The following RFC3 variants were observed in gnomAD, a reference collection of about 807,000 sequenced individuals.
The protein encoded by RFC3 is replication factor C subunit 3, also known as A1 38 kDa subunit.
In RFC3, 41 loss-of-function variants were observed where a neutral mutation model predicts 45.1. That is an observed-to-expected ratio of 0.91 (90% CI 0.71 to 1.18). RFC3 has a LOEUF of 1.18. RFC3 is among the 50% of genes most tolerant of loss of function. The probability of loss-of-function intolerance (pLI) is 0.00; values close to 1 mark genes in which losing one functional copy is unlikely to be tolerated. For missense variants in RFC3, 423 were observed against 428.1 expected (o/e 0.99, Z 0.10); for synonymous variants, 149 against 144.0 (o/e 1.03, Z -0.25).
rs141187764 is a variant in RFC3, at chr13:33,909,261, C to T, written c.880-56826C>T. ...GAGATATTTTAAATTTCTAGTACAA[C>T]TCTTTCACTTTATCTTCATAAAGAT... On this transcript the variant is annotated intron_variant, in intron 8 of 8. Coordinates refer to the RFC3 transcript ENST00000434425. 9.8e-3 allele frequency among the ~76,000 whole-genome samples: 1,484 copies of T among 151,996 alleles called. 25 individuals carry two copies. The highest frequency in any genetic ancestry group is 0.033 in the African/African-American group (1,382 of 41,482).
the RFC3 span, among the ~76,000 whole-genome samples, chr13:33,977,044 G>GA: frequency 3.3e-5 from 5 of 151,714 alleles, no homozygotes; most frequent in African/African-American, 7.3e-5. Context: ...GTAATCGTGA[G>GA]AAAAAAAATC....
At position 33,957,719 on chromosome 13, in the gene RFC3, T is replaced by C. The variant is rs181051623; in HGVS notation, c.880-8368T>C. 2.1e-4 allele frequency among the ~76,000 whole-genome samples: 32 copies of C among 152,246 alleles called. No individual in the cohort carries two copies. The East Asian group carries it at 4.1e-3, about 19-fold the overall frequency. On this transcript the variant is annotated intron_variant, in intron 8 of 8. Coordinates refer to the RFC3 transcript ENST00000434425. ...TTAGCACAAGCGCAAGCCCACTGCA[T>C]TGATTGGCCCAGAACCCAATGTAGT...
At chr13:33,851,299 G>A (rs151336829) in intron 8 of RFC3, among the ~76,000 whole-genome samples, 16 of 152,184 alleles carry the variant, frequency 1.1e-4, no homozygotes, top group African/African-American at 3.9e-4. Context: ...AACAATGTCG[G>A]GGGTTGGAGC....
chr13:33,937,227 T>C (rs897487891), intron 8 of RFC3, among the ~76,000 whole-genome samples: 2 of 152,206 alleles, frequency 1.3e-5, no homozygotes, highest in African/African-American at 2.4e-5. Flanking sequence ...CTTACCATTC[T>C]GTTACAATTG....
intron 8 of RFC3, among the ~76,000 whole-genome samples, chr13:33,890,288 C>T (rs931695496): frequency 5.3e-5 from 8 of 152,060 alleles, no homozygotes; most frequent in African/African-American, 1.9e-4. Flanking sequence ...GAGCCTACAC[C>T]AATTTTCCAT....
chr13:33,898,191 C>T (rs1488290216), intron 8 of RFC3, among the ~76,000 whole-genome samples: 4 of 151,992 alleles, frequency 2.6e-5, no homozygotes, highest in Admixed American at 1.3e-4. Context: ...TTTCACCCAA[C>T]GGCTGCAGAA....
intron 8 of RFC3, among the ~76,000 whole-genome samples, chr13:33,859,471 T>C (rs1323257903): frequency 6.6e-6 from 1 of 152,198 alleles, no homozygotes; most frequent in Non-Finnish European, 1.5e-5. Context: ...CATTTATATT[T>C]TAATGAGTGA....
chr13:33,830,635 A>G, intron 5 of RFC3, 84 bp from the exon 6 acceptor site: 1 of 1,095,436 alleles, frequency 9.1e-7, no homozygotes, highest in East Asian at 2.5e-5. Flanking sequence ...TAATACAGTT[A>G]TAAGGGTCTA....
chr13:33,860,824 C>G (rs968935831), intron 8 of RFC3, among the ~76,000 whole-genome samples: 3 of 152,150 alleles, frequency 2.0e-5, no homozygotes, highest in Admixed American at 6.6e-5. Context: ...TTTCATAAAA[C>G]CAGCAAGTCC....
chr13:33,863,587 C>T (rs148143490), intron 8 of RFC3, among the ~76,000 whole-genome samples: 2 of 152,294 alleles, frequency 1.3e-5, no homozygotes, highest in African/African-American at 4.8e-5. Context: ...TTCCTGGTTC[C>T]AACCATAAGA....
chr13:33,946,226 G>A (rs1488989535), intron 8 of RFC3, among the ~76,000 whole-genome samples: 2 of 152,134 alleles, frequency 1.3e-5, no homozygotes, highest in East Asian at 3.9e-4. Context: ...TTACAGCACT[G>A]TTTTTTCCTT....
At chr13:33,947,452 C>T (rs759365024) in intron 8 of RFC3, among the ~76,000 whole-genome samples, 13 of 151,772 alleles carry the variant, frequency 8.6e-5, no homozygotes, top group Admixed American at 5.2e-4. Context: ...TTTATAGCAG[C>T]GTGAGAATGG....
rs1555307454 is a variant in RFC3 at position 33,825,866 on chromosome 13, A to G, written c.371A>G (p.Asn124Ser). 1.2e-6 allele frequency: 2 copies of G among 1,607,044 alleles called. No individual in the cohort carries two copies. The highest frequency in any genetic ancestry group is 1.1e-5 in the South Asian group (1 of 89,998). The change falls in exon 4 of 9, where the codon AAC becomes AGC. Residue 124 changes from asparagine (N) to serine (S), a missense_variant. Transcript: ENST00000380071. ...TVAQSQQLET[N>S]SQRDFKVVLL... is the part of the protein sequence containing the mutation. Reference sequence around the variant, plus strand: ...GCACAATCACAACAACTTGAAACAAACTCTCAAAGGGATTTTAAAGGTAGG... The same window carrying G: ...GCACAATCACAACAACTTGAAACAAGCTCTCAAAGGGATTTTAAAGGTAGG...
chr13:33,910,322 C>T (rs143078780), intron 8 of RFC3, among the ~76,000 whole-genome samples: 1 of 152,050 alleles, frequency 6.6e-6, no homozygotes, highest in African/African-American at 2.4e-5. Context: ...TAGACATTAT[C>T]TTTTCTAAGC....
chr13:33,891,338 G>T (rs1288470596), intron 8 of RFC3, among the ~76,000 whole-genome samples: 2 of 152,176 alleles, frequency 1.3e-5, no homozygotes, highest in Admixed American at 6.5e-5. Flanking sequence ...TTCCCTAAAG[G>T]TTTTATCTTG....
At chr13:33,961,504 C>T (rs1167576080) in intron 8 of RFC3, among the ~76,000 whole-genome samples, 1 of 152,098 alleles carries the variant, frequency 6.6e-6, no homozygotes, top group Non-Finnish European at 1.5e-5. Flanking sequence ...GAATGGCTGG[C>T]ACATCATAGC....
rs1374356496 is a variant in RFC3 at position 33,836,500 on chromosome 13, A to G, written c.*205A>G. The stretch of plus-strand genomic sequence containing the variant: ...AAGTATGTAGTTTTGTACATAACTT[A>G]GAGACTTTAGAGTCTAAGAAAATGA... On this transcript the variant is annotated 3_prime_UTR_variant, in exon 9 of 9. Transcript: ENST00000380071. 4 of 1,290,618 alleles carry G rather than the reference A, an allele frequency of 3.1e-6. No homozygotes were observed. In the East Asian group the frequency reaches 1.1e-4, roughly 36 times the overall value. The allele number at this position is 1,290,618 out of a possible 1,614,324, so 79.9% of individuals were successfully genotyped here.
the RFC3 span, among the ~76,000 whole-genome samples, chr13:33,975,417 A>C: frequency 6.6e-6 from 1 of 152,252 alleles, no homozygotes; most frequent in African/African-American, 2.4e-5. Context: ...CATGAGCATA[A>C]AGAATTTTTT....
intron 8 of RFC3, chr13:33,850,188 C>T (rs1169954636): frequency 2.0e-5 from 3 of 151,952 alleles, no homozygotes. Context: ...CCATTTCTCA[C>T]CAGTTTTAGC....
Sources: gnomAD v4.1 joint callset for allele counts (sites outside exome capture counted in the v4.1 genomes callset) on GRCh38, gnomAD v4.1.1 for gene constraint, MANE v1.5 for transcripts, NCBI Gene and HGNC (gene_info 2026-07-23, HGNC 2026-07-21) for gene names.